The following TMEM50B variants were observed in gnomAD, a reference collection of about 807,000 sequenced individuals.
The protein encoded by TMEM50B is HCV p7-trans-regulated protein 3.
In TMEM50B, 14 loss-of-function variants were observed where a neutral mutation model predicts 23.4. The ratio of observed to expected loss-of-function variants is 0.60; its 90% CI spans 0.39 to 0.93. The LOEUF is 0.93. Ranked by LOEUF, TMEM50B falls within the 40% of genes least tolerant of loss-of-function variation. TMEM50B has a pLI of 0.00. For missense variants in TMEM50B, 159 were observed against 193.0 expected, an observed-to-expected ratio of 0.82 and a Z score of 1.04; for synonymous variants, 64 against 62.3, an observed-to-expected ratio of 1.03 and a Z score of -0.13.
chr21:33,463,116 A>G (rs1404793613), intron 4 of TMEM50B, among the ~76,000 whole-genome samples: 1 of 152,118 alleles, frequency 6.6e-6, no homozygotes, highest in Non-Finnish European at 1.5e-5. Context: ...ACATGGTGAA[A>G]CCCAGTTTCT....
rs41356148 is a variant in TMEM50B at position 33,436,964 on chromosome 21, C to T, written c.*2120+2250G>A. 1.8e-3 allele frequency: 2,977 copies of T among 1,613,802 alleles called. 49 individuals are homozygous for T. The African/African-American group carries it at 0.035, about 19-fold the overall frequency. ...GAAGATGTTCTCCAAACGCTTTGAA[C>T]CAAAGCATGGGCCTAGCCCACTGGC... On this transcript the variant is annotated intron_variant and NMD_transcript_variant, in intron 8 of 8. Transcript: ENST00000420455.
At chr21:33,439,176 G>A (rs1202704415) in intron 8 of TMEM50B, 2 of 152,184 alleles carry the variant, frequency 1.3e-5, no homozygotes, top group Non-Finnish European at 2.9e-5. Flanking sequence ...AGACAAGTTT[G>A]GAGGAAGAAG....
At chr21:33,460,196 C>G (rs2123433335) in intron 5 of TMEM50B, among the ~76,000 whole-genome samples, 1 of 152,238 alleles carries the variant, frequency 6.6e-6, no homozygotes. Flanking sequence ...CTGAGAGGTA[C>G]CAGCTTTGTC....
intron 7 of TMEM50B, among the ~76,000 whole-genome samples, chr21:33,442,920 CA>C (rs5843605): frequency 0.58 from 85,339 of 146,222 alleles, 26,184 homozygotes; most frequent in African/African-American, 0.81. Context: ...GACTCTGTCT[CA>C]AAAAAAAAAA....
chr21:33,456,227 T>A (rs2084167457), intron 5 of TMEM50B: 1 of 406,142 alleles, frequency 2.5e-6, no homozygotes, highest in South Asian at 1.9e-5. Flanking sequence ...CTCACTATAT[T>A]GCCCAGACTG....
intron 1 of TMEM50B, among the ~76,000 whole-genome samples, chr21:33,469,234 G>A (rs2084290877): frequency 6.6e-6 from 1 of 152,094 alleles, no homozygotes; most frequent in Non-Finnish European, 1.5e-5. Flanking sequence ...CAGATCACTT[G>A]AGGCCAGGAG....
At chr21:33,458,661 G>A (rs2850024) in intron 5 of TMEM50B, among the ~76,000 whole-genome samples, 88,952 of 152,108 alleles carry the variant, frequency 0.58, 28,041 homozygotes, top group East Asian at 0.83. Context: ...AAATTGGATT[G>A]TGATGATGGT....
At chr21:33,464,813 A>AAAAAAAAAAAAAAAAAAAC (rs1451070111) in intron 4 of TMEM50B, among the ~76,000 whole-genome samples, 1 of 150,720 alleles carries the variant, frequency 6.6e-6, no homozygotes, top group East Asian at 2.0e-4. Context: ...TCAAAAAAAA[A>AAAAAAAAAAAAAAAAAAAC]AAAAAAAAAA....
chr21:33,452,977 G>A (rs535620248), intron 6 of TMEM50B, among the ~76,000 whole-genome samples: 1 of 152,286 alleles, frequency 6.6e-6, no homozygotes, highest in East Asian at 1.9e-4. Flanking sequence ...AGCTTCTAGA[G>A]AGAGAAAATA....
At chr21:33,433,940 G>GAGACAGTGAT (rs2083917166) in intron 8 of TMEM50B, among the ~76,000 whole-genome samples, 1 of 152,072 alleles carries the variant, frequency 6.6e-6, no homozygotes, top group Non-Finnish European at 1.5e-5. Context: ...GAAGGCGGTG[G>GAGACAGTGAT]AGACAGTGAT....
At chr21:33,446,655 C>CAAAAAAAAAAAAAA (rs869154931), downstream of TMEM50B, among the ~76,000 whole-genome samples, 49 of 19,172 alleles carry the variant, frequency 2.6e-3, 7 homozygotes, top group East Asian at 3.1e-3. Flanking sequence ...CACACACACA[C>CAAAAAAAAAAAAAA]AAAAAAAAAA....
At chr21:33,468,065 T>TAAAAA (rs1357004528) in intron 2 of TMEM50B, among the ~76,000 whole-genome samples, 1 of 66,638 alleles carries the variant, frequency 1.5e-5, no homozygotes. Context: ...CCTCGTCTCT[T>TAAAAA]TAAAAAAAAA....
At chr21:33,476,389 A>G (rs1412207907) in intron 1 of TMEM50B, among the ~76,000 whole-genome samples, 67 of 152,284 alleles carry the variant, frequency 4.4e-4, no homozygotes, top group Non-Finnish European at 8.8e-5. Flanking sequence ...GTCTCAAAAA[A>G]TAATAAAAGA....
intron 1 of TMEM50B, among the ~76,000 whole-genome samples, chr21:33,476,872 C>T (rs62226453): frequency 0.017 from 2,634 of 150,896 alleles, 36 homozygotes; most frequent in Non-Finnish European, 0.027. Context: ...TACCCTAGAA[C>T]GACAAAAAGA....
intron 1 of TMEM50B, among the ~76,000 whole-genome samples, chr21:33,475,863 A>G (rs985793797): frequency 2.6e-5 from 4 of 151,994 alleles, no homozygotes; most frequent in Non-Finnish European, 4.4e-5. Flanking sequence ...CTGAGGCAGG[A>G]GAATCACTTA....
At chr21:33,437,477 A>C (rs886799069) in intron 8 of TMEM50B, 5 of 155,176 alleles carry the variant, frequency 3.2e-5, no homozygotes, top group Admixed American at 1.3e-4. Context: ...TTTTGTTTTT[A>C]AACTGGAAAT....
At chr21:33,464,071 G>A (rs970150271) in intron 4 of TMEM50B, among the ~76,000 whole-genome samples, 3 of 152,182 alleles carry the variant, frequency 2.0e-5, no homozygotes, top group African/African-American at 7.2e-5. Context: ...CAGCATAGTG[G>A]CTAAAAGCAT....
downstream of TMEM50B, chr21:33,448,990 CA>C (rs1416009613): frequency 2.0e-5 from 3 of 151,700 alleles, no homozygotes; most frequent in African/African-American, 7.3e-5. Flanking sequence ...GGGAAACCTT[CA>C]ATAACCCTCA....
intron 1 of TMEM50B, among the ~76,000 whole-genome samples, chr21:33,475,099 A>G (rs749764496): frequency 4.9e-4 from 74 of 151,232 alleles, no homozygotes; most frequent in Non-Finnish European, 1.8e-4. Flanking sequence ...GCTAATTTTT[A>G]TATTTTTGGT....
Sources: gnomAD v4.1 joint callset for allele counts (sites outside exome capture counted in the v4.1 genomes callset) on GRCh38, gnomAD v4.1.1 for gene constraint, MANE v1.5 for transcripts, NCBI Gene and HGNC (gene_info 2026-07-23, HGNC 2026-07-21) for gene names.